The following FAM120C variants were observed in gnomAD, a reference collection of about 807,000 sequenced individuals.
FAM120C encodes the protein constitutive coactivator of PPAR-gamma-like protein 2.
In FAM120C, 14 loss-of-function variants were observed where a neutral mutation model predicts 71.2. The observed-to-expected ratio is 0.20, with a 90% CI of 0.13 to 0.31. The LOEUF (loss-of-function observed/expected upper bound fraction) is 0.31, where lower values mean the gene tolerates loss of function less well. Ranked by LOEUF, FAM120C falls within the 10% of genes least tolerant of loss-of-function variation. The probability of loss-of-function intolerance (pLI) is 1.00; values close to 1 mark genes in which losing one functional copy is unlikely to be tolerated. For synonymous variants in FAM120C, 354 were observed against 353.2 expected (o/e 1.00, Z -0.03); for missense variants, 500 against 879.0 (o/e 0.57, Z 5.45).
intron 13 of FAM120C, among the ~76,000 whole-genome samples, chrX:54,083,478 C>CACACACACA (rs782758591): frequency 5.9e-5 from 6 of 101,777 alleles, no homozygotes; most frequent in Admixed American, 1.1e-4. Context: ...CACACACACA[C>CACACACACA]CAAAATATTA....
At chrX:54,107,079 T>TTA (rs2146582183) in intron 10 of FAM120C, among the ~76,000 whole-genome samples, 1 of 110,427 alleles carries the variant, frequency 9.1e-6, no homozygotes, top group South Asian at 3.8e-4. Context: ...AAATGAGCTA[T>TTA]TATATGTATT....
chrX:54,078,104 C>T (rs1011119912), intron 15 of FAM120C, among the ~76,000 whole-genome samples: 34 of 104,375 alleles, frequency 3.3e-4, no homozygotes, highest in Non-Finnish European at 5.9e-4. Flanking sequence ...CTACCACGCC[C>T]GGCTAATTTT....
chrX:54,168,092 T>G (rs1557135446), intron 1 of FAM120C, among the ~76,000 whole-genome samples: 1 of 111,516 alleles, frequency 9.0e-6, no homozygotes. Context: ...AGAATTTTGG[T>G]AGGTGGAGAC....
At chrX:54,079,623 C>G (rs1354866714) in intron 15 of FAM120C, among the ~76,000 whole-genome samples, 2 of 111,169 alleles carry the variant, frequency 1.8e-5, no homozygotes, top group African/African-American at 6.5e-5. Context: ...CATGGAGAAA[C>G]TCCATCTCTA....
chrX:54,162,031 A>C (rs2067238293), intron 1 of FAM120C, among the ~76,000 whole-genome samples: 1 of 112,459 alleles, frequency 8.9e-6, no homozygotes, highest in Non-Finnish European at 1.9e-5. Context: ...GAACTAATCC[A>C]ATTATTCATT....
chrX:54,075,633 C>T (rs1214380521), intron 15 of FAM120C, among the ~76,000 whole-genome samples: 1 of 108,319 alleles, frequency 9.2e-6, no homozygotes, highest in South Asian at 4.0e-4. Context: ...CCCGTCTCTA[C>T]TAAAAATACA....
At chrX:54,164,511 T>C (rs1352426935) in intron 1 of FAM120C, among the ~76,000 whole-genome samples, 1 of 112,314 alleles carries the variant, frequency 8.9e-6, no homozygotes, top group Admixed American at 9.5e-5. Context: ...TCATATGGAA[T>C]TTGTCCTTTT....
At chrX:54,105,686 T>G (rs1557124750) in intron 10 of FAM120C, among the ~76,000 whole-genome samples, 1 of 112,030 alleles carries the variant, frequency 8.9e-6, no homozygotes, top group African/African-American at 3.2e-5. Flanking sequence ...AAAATCTCCT[T>G]AAGCTGATAA....
intron 9 of FAM120C, among the ~76,000 whole-genome samples, chrX:54,117,111 C>T (rs2066971774): frequency 9.1e-6 from 1 of 109,756 alleles, no homozygotes; most frequent in South Asian, 3.8e-4. Flanking sequence ...TTAATCCCAG[C>T]AATTTGGGAG....
Position 54,068,929 on chromosome X carries a change from C to T in FAM120C, c.*4104G>A, listed in dbSNP as rs2066699069. 9.0e-6 allele frequency: 1 copy of T among 111,457 alleles called. No homozygotes were observed. Among genetic ancestry groups the T allele is most frequent in the Admixed American group, 9.6e-5 (1 of 10,396 alleles). The allele number at this position is 111,457 out of a possible 1,213,427, so 9.2% of individuals were successfully genotyped here. A position where few individuals can be genotyped will look rare whatever the true frequency, so the allele number is the denominator to read the frequency against. On this transcript the variant is annotated 3_prime_UTR_variant, in exon 16 of 16. Transcript: ENST00000375180. ...CTGGGTTATGAGAGATTAATAAAAT[C>T]TGAAATATTTATTTTGCTTCATTTA...
chrX:54,159,763 T>A, intron 1 of FAM120C, 147 bp from the exon 2 acceptor site: 2 of 238,183 alleles, frequency 8.4e-6, no homozygotes, highest in Non-Finnish European at 1.3e-5. Context: ...ATTTTTTACT[T>A]TTTTTTTTTT....
intron 9 of FAM120C, among the ~76,000 whole-genome samples, chrX:54,118,564 A>C (rs1557127041): frequency 9.1e-6 from 1 of 109,372 alleles, no homozygotes; most frequent in African/African-American, 3.3e-5. Context: ...TTACATTCCC[A>C]CCAGCATTTA....
intron 4 of FAM120C, among the ~76,000 whole-genome samples, chrX:54,150,796 T>G (rs1557132908): frequency 9.0e-6 from 1 of 111,552 alleles, no homozygotes; most frequent in East Asian, 2.8e-4. Context: ...TCACCCAGGT[T>G]GGAGTGCAGC....
chrX:54,164,248 A>G (rs954154775), intron 1 of FAM120C, among the ~76,000 whole-genome samples: 21 of 111,805 alleles, frequency 1.9e-4, no homozygotes, highest in Admixed American at 1.4e-3. Context: ...TGGTATTTTA[A>G]TATTTTTTGT....
At chrX:54,175,718 C>T (rs1176415286) in intron 1 of FAM120C, among the ~76,000 whole-genome samples, 1 of 110,818 alleles carries the variant, frequency 9.0e-6, no homozygotes, top group Non-Finnish European at 1.9e-5. Context: ...ATTTATATGG[C>T]ATTTACTACA....
At chrX:54,153,402 A>G (rs1557133250) in intron 3 of FAM120C, among the ~76,000 whole-genome samples, 1 of 108,381 alleles carries the variant, frequency 9.2e-6, no homozygotes, top group Non-Finnish European at 1.9e-5. Flanking sequence ...GAGCCACTGG[A>G]TAATATATTT....
intron 1 of FAM120C, among the ~76,000 whole-genome samples, chrX:54,178,791 A>G (rs1557136975): frequency 1.8e-5 from 2 of 112,011 alleles, no homozygotes; most frequent in African/African-American, 6.5e-5. Context: ...ACCAAAGCAC[A>G]AAATGGTATC....
intron 10 of FAM120C, among the ~76,000 whole-genome samples, chrX:54,098,954 CA>C (rs1298291805): frequency 9.2e-6 from 1 of 108,280 alleles, no homozygotes; most frequent in Non-Finnish European, 1.9e-5. Flanking sequence ...AATGTCTATT[CA>C]AATCTTTCAC....
intron 15 of FAM120C, among the ~76,000 whole-genome samples, chrX:54,076,445 AT>A (rs782731272): frequency 9.0e-6 from 1 of 111,491 alleles, no homozygotes; most frequent in South Asian, 3.8e-4. Flanking sequence ...AAGCTGGAAC[AT>A]TTTATTAATT....
Sources: allele counts gnomAD v4.1 joint callset (sites outside exome capture counted in the v4.1 genomes callset), GRCh38; gene constraint gnomAD v4.1.1; transcripts MANE v1.5; gene names NCBI Gene and HGNC (gene_info 2026-07-23, HGNC 2026-07-21).